The following IQCM variants were observed in gnomAD, a reference collection of about 807,000 sequenced individuals.
IQCM encodes the protein IQ motif containing M.
A neutral mutation model predicts 57.6 loss-of-function variants in IQCM; 45 were observed. The observed-to-expected ratio is 0.78, with a 90% CI of 0.62 to 1.00. The LOEUF (loss-of-function observed/expected upper bound fraction) is 1.00. IQCM is among the 50% of genes least tolerant of loss of function. The pLI, the probability that IQCM is intolerant of heterozygous loss-of-function variation, is 0.00. For missense variants in IQCM, 468 were observed against 511.6 expected (o/e 0.91, Z 0.82); for synonymous variants, 148 against 158.9 (o/e 0.93, Z 0.51).
At chr4:149,632,412 A>C (rs1364390614) in intron 7 of IQCM, among the ~76,000 whole-genome samples, 2 of 152,366 alleles carry the variant, frequency 1.3e-5, no homozygotes, top group East Asian at 3.9e-4. Context: ...AATTCTGAGC[A>C]AATTCAATGA....
intron 10 of IQCM, among the ~76,000 whole-genome samples, chr4:149,559,290 A>G (rs181289093): frequency 4.1e-4 from 62 of 152,316 alleles, no homozygotes; most frequent in Non-Finnish European, 7.3e-4. Flanking sequence ...TTTTAAAGGC[A>G]TCCGTTCTCA....
chr4:149,639,762 A>G (rs957088658), intron 7 of IQCM, among the ~76,000 whole-genome samples: 1 of 152,088 alleles, frequency 6.6e-6, no homozygotes. Context: ...CTCTACAAAA[A>G]AATTAAAAAT....
At chr4:149,485,957 A>C (rs1604739) in intron 12 of IQCM, among the ~76,000 whole-genome samples, 150,842 of 152,010 alleles carry the variant, frequency 0.99, 74,857 homozygotes, top group East Asian at 1. Flanking sequence ...CAGAAGAATT[A>C]TCTGGGTTAC....
intron 13 of IQCM, among the ~76,000 whole-genome samples, chr4:149,372,341 C>T (rs1730422410): frequency 6.6e-6 from 1 of 151,794 alleles, no homozygotes; most frequent in African/African-American, 2.4e-5. Context: ...GTTTTATGAA[C>T]AAAAATAAGT....
chr4:149,356,638 G>C (rs1168369524), intron 13 of IQCM, among the ~76,000 whole-genome samples: 10 of 152,160 alleles, frequency 6.6e-5, no homozygotes, highest in Non-Finnish European at 1.3e-4. Flanking sequence ...TGCTGTTTTG[G>C]TTACTGTAGC....
intron 9 of IQCM, among the ~76,000 whole-genome samples, chr4:149,566,703 A>G (rs1001915001): frequency 5.9e-5 from 9 of 152,230 alleles, no homozygotes; most frequent in African/African-American, 1.4e-4. Flanking sequence ...TCTGGTTTTC[A>G]TAACAATTGA....
chr4:149,356,968 G>A (rs1729042884), intron 13 of IQCM, among the ~76,000 whole-genome samples: 1 of 152,130 alleles, frequency 6.6e-6, no homozygotes, highest in Admixed American at 6.5e-5. Context: ...CACATCCCTT[G>A]TAAGCTGGAT....
At chr4:149,617,166 G>A (rs1005909685) in intron 8 of IQCM, among the ~76,000 whole-genome samples, 4 of 151,808 alleles carry the variant, frequency 2.6e-5, no homozygotes, top group African/African-American at 9.7e-5. Context: ...TGTTGCTCAG[G>A]GTGGTCTTGA....
intron 12 of IQCM, among the ~76,000 whole-genome samples, chr4:149,459,493 T>C (rs1738045930): frequency 6.6e-6 from 1 of 152,180 alleles, no homozygotes; most frequent in Non-Finnish European, 1.5e-5. Context: ...AAATGTACAG[T>C]TGAGTGGTAT....
In IQCM at chr4:149,756,207, G is replaced by A. The variant is rs143635450; in HGVS notation, c.-48-13468C>T. Among the ~76,000 whole-genome samples, 7 of 152,140 alleles carry A rather than the reference G, an allele frequency of 4.6e-5. No individual in the cohort carries two copies. In the East Asian group the frequency reaches 7.7e-4, roughly 17 times the overall value. On this transcript the variant is annotated intron_variant, in intron 2 of 13. Coordinates refer to ENST00000636793, the MANE Select transcript of IQCM (RefSeq NM_001363507.2). ...CTTTGTTCACTGATGTATACCCCCC[G>A]CCGTGCCTACAACACTGACTGGAAA...
intron 13 of IQCM, among the ~76,000 whole-genome samples, chr4:149,394,278 T>A (rs1353238819): frequency 6.6e-6 from 1 of 151,980 alleles, no homozygotes; most frequent in Non-Finnish European, 1.5e-5. Context: ...TTTGATAATC[T>A]TCTCTTCATT....
chr4:149,402,693 CA>C (rs886917052), intron 13 of IQCM, among the ~76,000 whole-genome samples: 6 of 151,798 alleles, frequency 4.0e-5, no homozygotes, highest in Non-Finnish European at 7.4e-5. Flanking sequence ...CTTTACTAAA[CA>C]AATGGAACGC....
At chr4:149,689,406 TG>T (rs1278807773) in intron 5 of IQCM, among the ~76,000 whole-genome samples, 1 of 151,724 alleles carries the variant, frequency 6.6e-6, no homozygotes, top group African/African-American at 2.4e-5. Flanking sequence ...ATGGGGCCTG[TG>T]GGGGATGGGA....
chr4:149,813,979 G>A (rs181194026), intron 2 of IQCM, among the ~76,000 whole-genome samples: 1 of 152,008 alleles, frequency 6.6e-6, no homozygotes, highest in African/African-American at 2.4e-5. Flanking sequence ...AATTCATTAT[G>A]AGCATGCTGT....
chr4:149,396,391 GA>G (rs934282105), intron 13 of IQCM, among the ~76,000 whole-genome samples: 2 of 150,902 alleles, frequency 1.3e-5, no homozygotes, highest in Admixed American at 6.6e-5. Flanking sequence ...TTTAAAAAAA[GA>G]AAAAAAATAC....
chr4:149,756,141 C>G (rs796357489), intron 2 of IQCM, among the ~76,000 whole-genome samples: 11 of 152,274 alleles, frequency 7.2e-5, no homozygotes, highest in African/African-American at 2.4e-4. Context: ...TATATTCACT[C>G]CCTAGACTGC....
At chr4:149,395,538 T>C (rs763726555) in intron 13 of IQCM, among the ~76,000 whole-genome samples, 3 of 152,026 alleles carry the variant, frequency 2.0e-5, no homozygotes, top group Non-Finnish European at 2.9e-5. Context: ...GTTTGGGAGA[T>C]ATAAAAGTAT....
intron 9 of IQCM, among the ~76,000 whole-genome samples, chr4:149,573,223 T>C (rs1270786867): frequency 6.6e-6 from 1 of 151,046 alleles, no homozygotes; most frequent in African/African-American, 2.4e-5. Flanking sequence ...AATTGTAACT[T>C]TTAAAAATGT....
Position 149,716,080 on chromosome 4 carries a change from C to T in IQCM, c.385+17164G>A, listed in dbSNP as rs543577728. On this transcript the variant is annotated intron_variant, in intron 5 of 13. Transcript: ENST00000636793. ...CATCCCCAGCTCGAAGGTGAGGCTT[C>T]ACTGGGATCTGCCCCTTTCTGCCCA... Among the ~76,000 whole-genome samples, 3 of 152,322 alleles carry T rather than the reference C, an allele frequency of 2.0e-5. No homozygotes were observed. In the South Asian group the frequency reaches 6.2e-4, roughly 32 times the overall value.
Sources: gnomAD v4.1 joint callset for allele counts (sites outside exome capture counted in the v4.1 genomes callset) on GRCh38, gnomAD v4.1.1 for gene constraint, MANE v1.5 for transcripts, NCBI Gene and HGNC (gene_info 2026-07-23, HGNC 2026-07-21) for gene names.